Variants in GSG1L2 observed in about 807,000 individuals in gnomAD.
GSG1L2 encodes the protein germ cell-specific gene 1-like protein 2.
In GSG1L2, 15 loss-of-function variants were observed where a neutral mutation model predicts 9.0. That is an observed-to-expected ratio of 1.67 (90% CI 1.12 to 2.57). The LOEUF is 2.57. Among genes scored for constraint, GSG1L2 ranks in the 30% most tolerant of loss-of-function variants. GSG1L2 has a pLI of 0.00. For missense variants in GSG1L2, 286 were observed against 150.3 expected, an observed-to-expected ratio of 1.90 and a Z score of -4.72; for synonymous variants, 127 against 57.9, an observed-to-expected ratio of 2.19 and a Z score of -5.41.
rs1409326290 is a variant in GSG1L2, at chr17:9,808,942, G to C, written c.399C>G (p.Ile133Met). 2 of 703,030 alleles carry C rather than the reference G, an allele frequency of 2.8e-6. No homozygotes were observed. The highest frequency in any genetic ancestry group is 1.7e-5 in the African/African-American group (1 of 57,374). 43.5% of individuals were successfully genotyped at this position (703,030 alleles called of 1,614,324 possible). A position where few individuals can be genotyped will look rare whatever the true frequency, so the allele number is the denominator to read the frequency against. Residue 133 changes from isoleucine to methionine, a missense_variant, in exon 3 of 5, where the codon ATC (isoleucine) becomes ATG (methionine). Coordinates refer to ENST00000399363, the MANE Select transcript of GSG1L2 (RefSeq NM_001310219.2). Reference protein sequence around the residue: ...WLSIGGEVLDIVLILTSAILL... With the variant: ...WLSIGGEVLDMVLILTSAILL... Reference sequence around the variant, plus strand: ...GGATGGCGCTTGTCAGTATCAGAACGATATCCAGGACCTCGCCCCCGATGG... The same window carrying C: ...GGATGGCGCTTGTCAGTATCAGAACCATATCCAGGACCTCGCCCCCGATGG...
intron 1 of GSG1L2, among the ~76,000 whole-genome samples, chr17:9,815,093 T>C (rs1015349130): frequency 2.6e-5 from 4 of 152,092 alleles, no homozygotes; most frequent in African/African-American, 9.7e-5. Context: ...TGTCTTAAAA[T>C]AGCACTTCAG....
intron 3 of GSG1L2, 51 bp downstream of exon 3, chr17:9,808,779 C>A (rs1405998564): frequency 1.4e-6 from 1 of 697,976 alleles, no homozygotes; most frequent in Non-Finnish European, 2.6e-6. Flanking sequence ...CAGTCTGACA[C>A]TCTGCTTTCC....
At chr17:9,802,742 C>A in intron 4 of GSG1L2, 98 bp from the exon 5 acceptor site, 1 of 640,274 alleles carries the variant, frequency 1.6e-6, no homozygotes, top group Non-Finnish European at 2.8e-6. Flanking sequence ...AAAACAACAG[C>A]TCCTCGTTCT....
intron 1 of GSG1L2, among the ~76,000 whole-genome samples, chr17:9,813,974 G>A (rs555773188): frequency 4.0e-5 from 6 of 151,746 alleles, no homozygotes; most frequent in Non-Finnish European, 7.4e-5. Context: ...TCGCTCTGTC[G>A]CCAGGGCTGG....
chr17:9,817,990 C>G (rs1234662988), intron 1 of GSG1L2, among the ~76,000 whole-genome samples: 1 of 152,180 alleles, frequency 6.6e-6, no homozygotes, highest in East Asian at 1.9e-4. Flanking sequence ...CTATTAAAAT[C>G]ATAGCCTTAT....
intron 3 of GSG1L2, chr17:9,807,806 G>A (rs933673336): frequency 3.9e-6 from 2 of 514,184 alleles, no homozygotes; most frequent in Non-Finnish European, 7.1e-6. Flanking sequence ...CAATCGGGGA[G>A]GACCTGTCAG....
In GSG1L2 at chr17:9,820,693, C is replaced by T. The variant is rs551926793; in HGVS notation, c.310+1069G>A. Among the ~76,000 whole-genome samples the T allele has an allele frequency of 2.1e-4, 32 of 151,054 alleles. No individual in the cohort carries two copies. Among genetic ancestry groups the T allele is most frequent in the Non-Finnish European group, 4.3e-4 (29 of 67,826 alleles). On this transcript the variant is annotated intron_variant, in intron 1 of 4. Transcript: ENST00000399363. This position sits in a 1 kb window ranked among gnomAD's most constrained non-coding sequence, Gnocchi z 4.9. Reference sequence around the variant, plus strand: ...TTTTTTTTTAATTTGAGACAGGTCTCGCTCTATCATTCAGGCTGGAGGGCA... The same window carrying T: ...TTTTTTTTTAATTTGAGACAGGTCTTGCTCTATCATTCAGGCTGGAGGGCA...
chr17:9,821,411 G>A (rs1299396737), intron 1 of GSG1L2, among the ~76,000 whole-genome samples: 2 of 129,738 alleles, frequency 1.5e-5, no homozygotes, highest in Non-Finnish European at 3.0e-5. Flanking sequence ...AAGAACAAAC[G>A]AGAAACTAAT....
In GSG1L2 at chr17:9,820,812, A is replaced by C. The variant is rs2066586208; in HGVS notation, c.310+950T>G. Reference sequence around the variant, plus strand: ...ACCACAGGCACACCCCACCATGTCCAGCTAATTTTTTAAAAAAACCTTTTG... The same window carrying C: ...ACCACAGGCACACCCCACCATGTCCCGCTAATTTTTTAAAAAAACCTTTTG... On this transcript the variant is annotated intron_variant, in intron 1 of 4. Transcript: ENST00000399363. This position sits in a 1 kb window ranked among gnomAD's most constrained non-coding sequence, Gnocchi z 4.9. 6.6e-6 allele frequency among the ~76,000 whole-genome samples: 1 copy of C among 152,026 alleles called. No individual in the cohort carries two copies. The highest frequency in any genetic ancestry group is 1.5e-5 in the Non-Finnish European group (1 of 68,002).
intron 4 of GSG1L2, chr17:9,804,852 C>T (rs2152022098): frequency 6.6e-6 from 1 of 152,168 alleles, no homozygotes; most frequent in South Asian, 2.1e-4. Flanking sequence ...AGAGATAACA[C>T]AAGGAACAAA....
At chr17:9,808,421 T>C (rs1412454414) in intron 3 of GSG1L2, among the ~76,000 whole-genome samples, 3 of 152,152 alleles carry the variant, frequency 2.0e-5, no homozygotes, top group Non-Finnish European at 4.4e-5. Flanking sequence ...CGCCAAAGTG[T>C]CTTGAGATAC....
chr17:9,816,870 C>CTCTGTGTGTATCTG (rs1567711526), intron 1 of GSG1L2, among the ~76,000 whole-genome samples: 1 of 121,076 alleles, frequency 8.3e-6, no homozygotes, highest in African/African-American at 3.3e-5. Context: ...ATGTGTGTGT[C>CTCTGTGTGTATCTG]TGTGTGTGTA....
At position 9,810,581 on chromosome 17, in the gene GSG1L2, AGCTG is replaced by A. The variant is rs1166667713; in HGVS notation, c.344_347del (p.Pro115LeufsTer20). 1 of 703,032 alleles carries A rather than the reference AGCTG, an allele frequency of 1.4e-6. No homozygotes were observed. Among genetic ancestry groups the A allele is most frequent in the East Asian group, 2.7e-5 (1 of 37,290 alleles). 43.5% of individuals were successfully genotyped at this position (703,032 alleles called of 1,614,324 possible). ...GAGTAAGGTATTTACCTTGTTCTTC[AGCTG>A]GCACTACACTCCGGAAACTCCTACA... is the stretch of plus-strand genomic sequence containing the variant. On this transcript the variant is annotated frameshift_variant, in exon 2 of 5. Transcript: ENST00000399363. LOFTEE classifies it high-confidence loss of function.
At chr17:9,802,803 G>GT (rs899134267) in intron 4 of GSG1L2, among the ~76,000 whole-genome samples, 159 bp from the exon 5 acceptor site, 1 of 152,150 alleles carries the variant, frequency 6.6e-6, no homozygotes, top group Non-Finnish European at 1.5e-5. Flanking sequence ...TCTAGTCAAC[G>GT]TACTGTTTAG....
intron 1 of GSG1L2, among the ~76,000 whole-genome samples, chr17:9,811,581 TG>T (rs1461268324): frequency 1.3e-5 from 2 of 152,214 alleles, no homozygotes; most frequent in Admixed American, 1.3e-4. Context: ...AGTCACTCTC[TG>T]GGGTCCTGTC....
intron 1 of GSG1L2, among the ~76,000 whole-genome samples, chr17:9,818,178 A>G (rs2066574828): frequency 6.6e-6 from 1 of 152,204 alleles, no homozygotes; most frequent in African/African-American, 2.4e-5. Context: ...TTCGGGAAGC[A>G]TAGCACTGGC....
chr17:9,815,312 C>A (rs1180089947), intron 1 of GSG1L2, among the ~76,000 whole-genome samples: 1 of 152,188 alleles, frequency 6.6e-6, no homozygotes, highest in African/African-American at 2.4e-5. Flanking sequence ...ATCGCTTGAA[C>A]CCCGGAGGCA....
rs772033678 is a variant in GSG1L2 at position 9,802,656 on chromosome 17, A to C, written c.624-12T>G. The C allele has an allele frequency of 1.4e-5, 10 of 702,190 alleles. No homozygotes were observed. The South Asian group carries it at 1.5e-4, about 10-fold the overall frequency. 43.5% of individuals were successfully genotyped at this position (702,190 alleles called of 1,614,324 possible). A position where few individuals can be genotyped will look rare whatever the true frequency, so the allele number is the denominator to read the frequency against. On this transcript the variant is annotated splice_polypyrimidine_tract_variant and intron_variant, in intron 4 of 4. Transcript: ENST00000399363. ...AACCCCAGGCAAGGCTGTCAACAGA[A>C]GGCACCGTTAGGAAAGGGCTGAGGG...
intron 1 of GSG1L2, 121 bp downstream of exon 1, chr17:9,821,641 C>T: frequency 1.6e-6 from 1 of 641,578 alleles, no homozygotes. Flanking sequence ...CTCCAGAGCC[C>T]CTGCATCATC....
Sources: gnomAD v4.1 joint callset for allele counts (sites outside exome capture counted in the v4.1 genomes callset) on GRCh38, gnomAD v4.1.1 for gene constraint, Gnocchi (gnomAD v3.1) non-coding constraint, MANE v1.5 for transcripts, NCBI Gene and HGNC (gene_info 2026-07-23, HGNC 2026-07-21) for gene names.